The following ZNF26 variants were observed in gnomAD, a reference collection of about 807,000 sequenced individuals.
The protein encoded by ZNF26 is zinc finger protein 26.
Under a neutral mutation model 54.9 loss-of-function variants are expected in ZNF26, and 32 were observed. The ratio of observed to expected loss-of-function variants is 0.58; its 90% CI spans 0.44 to 0.78. ZNF26 has a LOEUF of 0.78. Among genes scored for constraint, ZNF26 ranks in the 30% least tolerant of loss-of-function variants. The pLI, the probability that ZNF26 is intolerant of heterozygous loss-of-function variation, is 0.00. For missense variants in ZNF26, 524 were observed against 634.0 expected (o/e 0.83, Z 1.86); for synonymous variants, 221 against 209.2 (o/e 1.06, Z -0.49).
rs1214926999 is a variant in ZNF26, at chr12:133,011,901, A to G, written c.*420A>G. ...GGAGTATAAAGTTGTTTTTTTAAAA[A>G]TATGTAAATAATGTTCAGGAAAAAC... On this transcript the variant is annotated 3_prime_UTR_variant, in exon 4 of 4. Transcript: ENST00000328654. The G allele has an allele frequency of 6.5e-6, 1 of 153,668 alleles. No individual in the cohort carries two copies. The highest frequency in any genetic ancestry group is 6.5e-5 in the Admixed American group (1 of 15,496). 9.5% of individuals were successfully genotyped at this position (153,668 alleles called of 1,614,324 possible). A position where few individuals can be genotyped will look rare whatever the true frequency, so the allele number is the denominator to read the frequency against.
chr12:133,006,590 TC>T (rs1953333034), intron 1 of ZNF26: 1 of 153,970 alleles, frequency 6.5e-6, no homozygotes, highest in Non-Finnish European at 1.4e-5. Context: ...ATTGATTTTT[TC>T]TTTCTTTCTT....
rs1952825289 is a variant in ZNF26, at chr12:132,986,628, C to G, written c.-213C>G. Reference sequence around the variant, plus strand: ...AGGCACAAATCCATCCGTGCGACTCCTGGTACCCAGACCGGGAGGTTGTCT... The same window carrying G: ...AGGCACAAATCCATCCGTGCGACTCGTGGTACCCAGACCGGGAGGTTGTCT... On this transcript the variant is annotated 5_prime_UTR_variant, in exon 1 of 4. Coordinates refer to ENST00000328654, the MANE Select transcript of ZNF26 (RefSeq NM_019591.4). 3 of 597,342 alleles carry G rather than the reference C, an allele frequency of 5.0e-6. No individual in the cohort carries two copies. In the Admixed American group the frequency reaches 8.9e-5, roughly 18 times the overall value. The allele number at this position is 597,342 out of a possible 1,614,324, so 37.0% of individuals were successfully genotyped here. A position where few individuals can be genotyped will look rare whatever the true frequency, so the allele number is the denominator to read the frequency against.
chr12:133,010,886 A>G lies in ZNF26; in HGVS notation c.1007A>G (p.His336Arg). ...KSYLLVHIRMHTGEKPYQCSD... is the reference protein window; with the variant it reads ...KSYLLVHIRMRTGEKPYQCSD... ...TATCTCCTTGTTCACATCCGAATGC[A>G]TACAGGAGAAAAACCCTATCAATGC... is the stretch of plus-strand genomic sequence containing the variant. Residue 336 changes from histidine to arginine, a missense_variant, in exon 4 of 4, where the codon CAT becomes CGT. By Grantham distance (29) the His-to-Arg change is conservative. Coordinates refer to ENST00000328654, the MANE Select transcript of ZNF26 (RefSeq NM_019591.4). 1 of 1,614,172 alleles carries G rather than the reference A, an allele frequency of 6.2e-7. No individual in the cohort carries two copies. Among genetic ancestry groups the G allele is most frequent in the Non-Finnish European group, 8.5e-7 (1 of 1,180,048 alleles).
At chr12:132,987,292 G>A (rs1952843250) in intron 1 of ZNF26, among the ~76,000 whole-genome samples, 2 of 152,154 alleles carry the variant, frequency 1.3e-5, no homozygotes, top group African/African-American at 4.8e-5. Context: ...GCAATGCAGA[G>A]ATAAATTATG....
chr12:133,010,755 G>A lies in ZNF26; in HGVS notation c.876G>A (p.Gly292=). ...GVKPYECSEC[G]KAFSLKSPFV... is the part of the protein sequence containing the mutation. ...AACCGTATGAATGCAGCGAATGTGGGAAAGCCTTTAGTTTGAAGTCTCCAT... is the reference window on the plus strand; with the variant it reads ...AACCGTATGAATGCAGCGAATGTGGAAAAGCCTTTAGTTTGAAGTCTCCAT... Residue 292 remains glycine, a synonymous_variant, in exon 4 of 4, where the codon GGG becomes GGA. Coordinates refer to ENST00000328654, the MANE Select transcript of ZNF26 (RefSeq NM_019591.4). The A allele has an allele frequency of 6.2e-7, 1 of 1,613,724 alleles. No individual in the cohort carries two copies. Among genetic ancestry groups the A allele is most frequent in the Non-Finnish European group, 8.5e-7 (1 of 1,179,700 alleles).
In ZNF26 at chr12:133,023,653, T is replaced by TGC. The variant is rs1953669543; in HGVS notation, c.*12172_*12173insGC. On this transcript the variant is annotated 3_prime_UTR_variant, in exon 4 of 4. Coordinates refer to ENST00000328654, the MANE Select transcript of ZNF26 (RefSeq NM_019591.4). ...TTCTGAAGTGGGCTATGACAGTAGCTTCCATCTCATCTCCTCTTCTACAGT... is the reference window on the plus strand; with the variant it reads ...TTCTGAAGTGGGCTATGACAGTAGCTGCTCCATCTCATCTCCTCTTCTACAGT... 6.6e-6 allele frequency: 1 copy of TGC among 152,140 alleles called. No homozygotes were observed. The highest frequency in any genetic ancestry group is 2.4e-5 in the African/African-American group (1 of 41,454). The allele number at this position is 152,140 out of a possible 1,614,324, so 9.4% of individuals were successfully genotyped here.
At position 133,025,213 on chromosome 12, in the gene ZNF26, T is replaced by C. The variant is rs939707710; in HGVS notation, c.*13732T>C. 32 of 152,200 alleles carry C rather than the reference T, an allele frequency of 2.1e-4. No individual in the cohort carries two copies. The highest frequency in any genetic ancestry group is 3.3e-4 in the Admixed American group (5 of 15,280). 9.4% of individuals were successfully genotyped at this position (152,200 alleles called of 1,614,324 possible). On this transcript the variant is annotated 3_prime_UTR_variant, in exon 4 of 4. Transcript: ENST00000328654. ...GCCTCCTCTTGTCCCCATTTTTGAA[T>C]AGGAGTATTGGTAACAGTTTTTCTG...
intron 1 of ZNF26, among the ~76,000 whole-genome samples, chr12:132,997,648 G>A (rs1001472558): frequency 6.6e-5 from 10 of 152,162 alleles, no homozygotes; most frequent in African/African-American, 2.4e-4. Context: ...GGCCAAGGAG[G>A]GTTCCAAATT....
In ZNF26 at chr12:133,012,578, G is replaced by GTTTTTTTTTTTTTTTTTTTTTT. The variant is rs1193864973; in HGVS notation, c.*1107_*1128dup. On this transcript the variant is annotated 3_prime_UTR_variant, in exon 4 of 4. Transcript: ENST00000328654. ...ATGTCTTTTGCTTTTTGTTGTTTGG[G>GTTTTTTTTTTTTTTTTTTTTTT]TTTTTTTTTTTTTTTTTTTTTTTTT... The GTTTTTTTTTTTTTTTTTTTTTT allele has an allele frequency of 2.1e-4, 8 of 37,652 alleles. 2 individuals are homozygous for GTTTTTTTTTTTTTTTTTTTTTT. The highest frequency in any genetic ancestry group is 3.2e-4 in the African/African-American group (3 of 9,476). 2.3% of individuals were successfully genotyped at this position (37,652 alleles called of 1,614,324 possible). A position where few individuals can be genotyped will look rare whatever the true frequency, so the allele number is the denominator to read the frequency against.
At chr12:132,988,554 C>T (rs1245560435) in intron 1 of ZNF26, among the ~76,000 whole-genome samples, 1 of 152,092 alleles carries the variant, frequency 6.6e-6, no homozygotes, top group African/African-American at 2.4e-5. Flanking sequence ...GCCTATAAGT[C>T]TTGAAGTCAG....
chr12:132,996,573 T>C (rs1953089060), intron 1 of ZNF26, among the ~76,000 whole-genome samples: 1 of 152,362 alleles, frequency 6.6e-6, no homozygotes, highest in East Asian at 1.9e-4. Context: ...TCTTGGTATT[T>C]TCATTGAGAA....
chr12:133,017,747 C>A lies in ZNF26; in HGVS notation c.*6266C>A, dbSNP rs909919384. The A allele has an allele frequency of 6.6e-6, 1 of 152,242 alleles. No individual in the cohort carries two copies. The allele number at this position is 152,242 out of a possible 1,614,324, so 9.4% of individuals were successfully genotyped here. On this transcript the variant is annotated 3_prime_UTR_variant, in exon 4 of 4. Coordinates refer to ENST00000328654, the MANE Select transcript of ZNF26 (RefSeq NM_019591.4). ...ATTATAGGCCAGGCGTGGTGGCTCA[C>A]GCCTGTAATCCCAGCACTTTGGGAG... is the stretch of plus-strand genomic sequence containing the variant.
rs1953601600 is a variant in ZNF26 at position 133,018,881 on chromosome 12, G to C, written c.*7400G>C. On this transcript the variant is annotated 3_prime_UTR_variant, in exon 4 of 4. Transcript: ENST00000328654. ...GCATCAAGATTATAGGCATGAGCCA[G>C]CGCACCTGGCCAGTAATAACATTAA... 6.6e-6 allele frequency: 1 copy of C among 152,210 alleles called. No homozygotes were observed. Among genetic ancestry groups the C allele is most frequent in the South Asian group, 2.1e-4 (1 of 4,820 alleles). The allele number at this position is 152,210 out of a possible 1,614,324, so 9.4% of individuals were successfully genotyped here.
chr12:133,005,988 G>C (rs914707072), intron 1 of ZNF26: 1 of 641,062 alleles, frequency 1.6e-6, no homozygotes, highest in Non-Finnish European at 1.9e-6. Context: ...TGTTCTGTGT[G>C]ATGCTTGCTT....
At chr12:133,008,789 A>AG (rs1412153683) in intron 3 of ZNF26, among the ~76,000 whole-genome samples, 30 of 150,642 alleles carry the variant, frequency 2.0e-4, no homozygotes, top group African/African-American at 6.6e-4. Context: ...AAAAAAAAAA[A>AG]AAAAAAGAAA....
Position 133,014,534 on chromosome 12 carries a change from T to TTTG in ZNF26, c.*3055_*3056insGTT, listed in dbSNP as rs1953537705. ...ATGATGGTTTTGCTTTCTGTTTTTT[T>TTTG]TTTTGTTTTGTTTTGTTTTTTTTTT... On this transcript the variant is annotated 3_prime_UTR_variant, in exon 4 of 4. Transcript: ENST00000328654. 2 of 151,196 alleles carry TTTG rather than the reference T, an allele frequency of 1.3e-5. No homozygotes were observed. The highest frequency in any genetic ancestry group is 6.6e-5 in the Admixed American group (1 of 15,196). 9.4% of individuals were successfully genotyped at this position (151,196 alleles called of 1,614,324 possible). A position where few individuals can be genotyped will look rare whatever the true frequency, so the allele number is the denominator to read the frequency against.
At position 133,017,016 on chromosome 12, in the gene ZNF26, C is replaced by T. The variant is rs1333422581; in HGVS notation, c.*5535C>T. ...AATATCTACCTAGAAGGGTTATTCA[C>T]AAACCAGGGTGAAATAATGTCATTT... On this transcript the variant is annotated 3_prime_UTR_variant, in exon 4 of 4. Coordinates refer to ENST00000328654, the MANE Select transcript of ZNF26 (RefSeq NM_019591.4). The T allele has an allele frequency of 6.6e-6, 1 of 151,940 alleles. No individual in the cohort carries two copies. The highest frequency in any genetic ancestry group is 1.5e-5 in the Non-Finnish European group (1 of 67,994). 9.4% of individuals were successfully genotyped at this position (151,940 alleles called of 1,614,324 possible). A position where few individuals can be genotyped will look rare whatever the true frequency, so the allele number is the denominator to read the frequency against.
At chr12:132,999,740 CT>C (rs1953170109) in intron 1 of ZNF26, among the ~76,000 whole-genome samples, 1 of 151,846 alleles carries the variant, frequency 6.6e-6, no homozygotes, top group Non-Finnish European at 1.5e-5. Context: ...GTTGCCCAGG[CT>C]GGAGTGCAAT....
Position 132,986,397 on chromosome 12 carries a change from A to G in ZNF26, c.-444A>G. On this transcript the variant is annotated 5_prime_UTR_variant, in exon 1 of 4. Coordinates refer to ENST00000328654, the MANE Select transcript of ZNF26 (RefSeq NM_019591.4). ...CGGCCTTAGTCGGGTGCGCGCGTGC[A>G]GGGCTGTTTCCGGCTTAGACTCAGT... 1 of 167,234 alleles carries G rather than the reference A, an allele frequency of 6.0e-6. No individual in the cohort carries two copies. Among genetic ancestry groups the G allele is most frequent in the Non-Finnish European group, 1.3e-5 (1 of 77,550 alleles). The allele number at this position is 167,234 out of a possible 1,614,324, so 10.4% of individuals were successfully genotyped here. A position where few individuals can be genotyped will look rare whatever the true frequency, so the allele number is the denominator to read the frequency against.
Sources: gnomAD v4.1 joint callset for allele counts (sites outside exome capture counted in the v4.1 genomes callset) on GRCh38, gnomAD v4.1.1 for gene constraint, MANE v1.5 for transcripts, NCBI Gene and HGNC (gene_info 2026-07-23, HGNC 2026-07-21) for gene names.